MAP3K3: variants seen among roughly 807,000 people sequenced by gnomAD.
MAP3K3 encodes the protein mitogen-activated protein kinase kinase kinase 3.
MAP3K3 carries 12 observed loss-of-function variants against 80.9 expected under a neutral mutation model. That is an observed-to-expected ratio of 0.15 (90% CI 0.10 to 0.24). The LOEUF is 0.24. Among genes scored for constraint, MAP3K3 ranks in the 10% least tolerant of loss-of-function variants. MAP3K3 has a pLI of 1.00. For synonymous variants in MAP3K3, 272 were observed against 307.1 expected (o/e 0.89, Z 1.19); for missense variants, 596 against 834.7 (o/e 0.71, Z 3.52).
At chr17:63,633,690 C>T (rs374804258) in intron 2 of MAP3K3, among the ~76,000 whole-genome samples, 28 of 152,284 alleles carry the variant, frequency 1.8e-4, no homozygotes, top group African/African-American at 6.7e-4. Flanking sequence ...CCTGTAGTGC[C>T]ACTTACCTGT....
intron 3 of MAP3K3, among the ~76,000 whole-genome samples, chr17:63,649,011 C>G (rs1049060267): frequency 4.6e-5 from 7 of 152,166 alleles, no homozygotes; most frequent in Admixed American, 3.3e-4. Flanking sequence ...ATCAATGTTG[C>G]CCTGTAGAAC....
intron 4 of MAP3K3, among the ~76,000 whole-genome samples, chr17:63,655,022 T>C (rs372339060): frequency 6.6e-6 from 1 of 151,672 alleles, no homozygotes. Context: ...TGAGACTCTG[T>C]CTCAAAAAAC....
chr17:63,625,546 T>A (rs986730414), intron 1 of MAP3K3, among the ~76,000 whole-genome samples: 2 of 152,216 alleles, frequency 1.3e-5, no homozygotes, highest in Admixed American at 6.5e-5. Context: ...CTGGTTCTGG[T>A]TTGAAGTCAG....
At chr17:63,623,510 AT>A (rs1177281997) in intron 1 of MAP3K3, among the ~76,000 whole-genome samples, 1 of 152,214 alleles carries the variant, frequency 6.6e-6, no homozygotes, top group Non-Finnish European at 1.5e-5. Context: ...TGAAAGAAAC[AT>A]TTGCTACACA....
chr17:63,681,972 T>C (rs1425153176), intron 7 of MAP3K3, 73 bp downstream of exon 7: 45 of 1,273,238 alleles, frequency 3.5e-5, no homozygotes, highest in East Asian at 1.7e-4. Flanking sequence ...GGGTTCTTAG[T>C]AGTCACAGTG....
chr17:63,629,983 G>A (rs922040613), intron 1 of MAP3K3, among the ~76,000 whole-genome samples: 4 of 152,178 alleles, frequency 2.6e-5, no homozygotes, highest in African/African-American at 9.7e-5. Flanking sequence ...GTATGTGTGT[G>A]CCTGTATGTG....
chr17:63,652,421 C>T (rs1193700179), intron 3 of MAP3K3, 136 bp from the exon 4 acceptor site: 8 of 638,584 alleles, frequency 1.3e-5, no homozygotes, highest in African/African-American at 3.7e-5. Context: ...AGGAAACAAT[C>T]GGGAAAAGGC....
chr17:63,666,485 GAT>G (rs2035002239), intron 5 of MAP3K3, among the ~76,000 whole-genome samples: 1 of 152,082 alleles, frequency 6.6e-6, no homozygotes, highest in South Asian at 2.1e-4. Flanking sequence ...CAGTCAATAA[GAT>G]AAATACATAT....
intron 12 of MAP3K3, chr17:63,690,894 C>T (rs2035572306): frequency 5.0e-6 from 3 of 594,884 alleles, no homozygotes; most frequent in African/African-American, 3.7e-5. Flanking sequence ...CACCTCCCTG[C>T]CTCCTTCCAC....
chr17:63,622,684 C>A lies in MAP3K3; in HGVS notation c.-76C>A. 2.5e-6 allele frequency: 1 copy of A among 407,098 alleles called. No homozygotes were observed. Among genetic ancestry groups the A allele is most frequent in the Non-Finnish European group, 4.9e-6 (1 of 205,702 alleles). 25.2% of individuals were successfully genotyped at this position (407,098 alleles called of 1,614,324 possible). ...CCAGGCCCGCTGCCGTCCCCGCCGC[C>A]CGGGCCCCCGGCATGCAGCCCCGGC... is the stretch of plus-strand genomic sequence containing the variant. On this transcript the variant is annotated 5_prime_UTR_variant, in exon 1 of 16. Transcript: ENST00000361733.
At chr17:63,644,977 A>AT (rs2034513769) in intron 2 of MAP3K3, among the ~76,000 whole-genome samples, 1 of 151,334 alleles carries the variant, frequency 6.6e-6, no homozygotes, top group Non-Finnish European at 1.5e-5. Context: ...TTTCCCTGTC[A>AT]TTTTTTAAAC....
At chr17:63,624,711 C>T (rs909607685) in intron 1 of MAP3K3, among the ~76,000 whole-genome samples, 23 of 152,216 alleles carry the variant, frequency 1.5e-4, no homozygotes, top group African/African-American at 5.3e-4. Flanking sequence ...CTGGTGGCTG[C>T]AGTATATTAG....
At chr17:63,623,316 C>T (rs1442940844) in intron 1 of MAP3K3, among the ~76,000 whole-genome samples, 1 of 152,190 alleles carries the variant, frequency 6.6e-6, no homozygotes, top group African/African-American at 2.4e-5. Flanking sequence ...GGCTAGGAGG[C>T]GATTAAACTG....
chr17:63,692,315 G>T lies in MAP3K3; in HGVS notation c.1548G>T (p.Thr516=), dbSNP rs754638634. 6.2e-7 allele frequency: 1 copy of T among 1,613,828 alleles called. No individual in the cohort carries two copies. Among genetic ancestry groups the T allele is most frequent in the Non-Finnish European group, 8.5e-7 (1 of 1,180,014 alleles). ...TTGGGGCCAGCAAACGCCTGCAGACGATCTGTATGTCGGGGACGGGCATGC... is the reference window on the plus strand; with the variant it reads ...TTGGGGCCAGCAAACGCCTGCAGACTATCTGTATGTCGGGGACGGGCATGC... ...GDFGASKRLQ[T]ICMSGTGMRS... Residue 516 remains threonine (T), a synonymous_variant, in exon 15 of 16, where the codon ACG becomes ACT. Transcript: ENST00000361733. The surrounding 1 kb of genome is among the most constrained non-coding windows in gnomAD (Gnocchi z 4.5).
chr17:63,634,092 G>C (rs550370436), intron 2 of MAP3K3, among the ~76,000 whole-genome samples: 1 of 152,134 alleles, frequency 6.6e-6, no homozygotes, highest in African/African-American at 2.4e-5. Context: ...AGTACTGGAG[G>C]TATAAACAGA....
Position 63,656,984 on chromosome 17 carries a change from C to T in MAP3K3, c.268-810C>T, listed in dbSNP as rs553045116. ...GTGCCAAGCAAAGGGGGAAAAGCTC[C>T]GTGAGAATGGAGGAGGTAGTTTTCA... is the stretch of plus-strand genomic sequence containing the variant. On this transcript the variant is annotated intron_variant, in intron 4 of 15. Transcript: ENST00000361733. Among the ~76,000 whole-genome samples, 11 of 152,162 alleles carry T rather than the reference C, an allele frequency of 7.2e-5. No homozygotes were observed. In the South Asian group the frequency reaches 1.5e-3, roughly 20 times the overall value.
At chr17:63,666,080 T>A (rs1268510002) in intron 5 of MAP3K3, among the ~76,000 whole-genome samples, 1 of 152,178 alleles carries the variant, frequency 6.6e-6, no homozygotes, top group Non-Finnish European at 1.5e-5. Flanking sequence ...TTTTAAGCTT[T>A]CTCAGTGCAA....
intron 1 of MAP3K3, among the ~76,000 whole-genome samples, chr17:63,630,180 T>G (rs1232674137): frequency 6.6e-6 from 1 of 152,170 alleles, no homozygotes; most frequent in East Asian, 1.9e-4. Flanking sequence ...ATTATTACAG[T>G]TGGCCCAATT....
At position 63,688,804 on chromosome 17, in the gene MAP3K3, T is replaced by A; in HGVS notation, c.794T>A (p.Leu265His). The part of the protein sequence containing the change: ...RQEYSDRETQ[L>H]YDKGVKGGTY... Reference sequence around the variant, plus strand: ...TCTTACTCAGATCGGGAAACTCAGCTTTATGACAAAGGGGTCAAAGGTGGA... The same window carrying A: ...TCTTACTCAGATCGGGAAACTCAGCATTATGACAAAGGGGTCAAAGGTGGA... The change falls in exon 10 of 16, where the codon CTT (leucine) becomes CAT (histidine). Residue 265 changes from leucine to histidine, a missense_variant. By Grantham distance (99) the Leu-to-His change is moderately conservative. Coordinates refer to ENST00000361733, the MANE Select transcript of MAP3K3 (RefSeq NM_002401.5). 6.2e-7 allele frequency: 1 copy of A among 1,613,706 alleles called. No homozygotes were observed. Among genetic ancestry groups the A allele is most frequent in the South Asian group, 1.1e-5 (1 of 91,058 alleles).
Sources: gnomAD v4.1 joint callset for allele counts (sites outside exome capture counted in the v4.1 genomes callset) on GRCh38, gnomAD v4.1.1 for gene constraint, Gnocchi (gnomAD v3.1) non-coding constraint, MANE v1.5 for transcripts, NCBI Gene and HGNC (gene_info 2026-07-23, HGNC 2026-07-21) for gene names.